Variants in CTCF observed in about 807,000 individuals in gnomAD.
CTCF encodes transcriptional repressor CTCF.
A neutral mutation model predicts 72.3 loss-of-function variants in CTCF; 7 were observed. The ratio of observed to expected loss-of-function variants is 0.10; its 90% CI spans 0.06 to 0.18. The LOEUF (loss-of-function observed/expected upper bound fraction) is 0.18, where lower values mean the gene tolerates loss of function less well. Among genes scored for constraint, CTCF ranks in the 10% least tolerant of loss-of-function variants. The probability of loss-of-function intolerance (pLI) is 1.00; values close to 1 mark genes in which losing one functional copy is unlikely to be tolerated. For synonymous variants in CTCF, 374 were observed against 315.8 expected (o/e 1.18, Z -1.95); for missense variants, 516 against 949.1 (o/e 0.54, Z 6.00).
chr16:67,591,244 A>T (rs2051740102), intron 2 of CTCF, among the ~76,000 whole-genome samples: 2 of 152,086 alleles, frequency 1.3e-5, no homozygotes, highest in African/African-American at 4.8e-5. Context: ...GTGAGCCAAG[A>T]TCTCACCACT....
chr16:67,574,698 G>T (rs2051471692), intron 2 of CTCF, among the ~76,000 whole-genome samples: 1 of 105,494 alleles, frequency 9.5e-6, no homozygotes, highest in African/African-American at 3.9e-5. Flanking sequence ...TTGCTCTGTT[G>T]CCCAGGCTGA....
chr16:67,592,137 C>G (rs1010541408), intron 2 of CTCF, among the ~76,000 whole-genome samples: 1 of 152,072 alleles, frequency 6.6e-6, no homozygotes, highest in Admixed American at 6.6e-5. Flanking sequence ...ATCGACTGGA[C>G]GCAGTGGCTC....
At chr16:67,574,268 T>G (rs138196841) in intron 2 of CTCF, among the ~76,000 whole-genome samples, 1,587 of 152,272 alleles carry the variant, frequency 0.01, 49 homozygotes, top group Non-Finnish European at 8.5e-3. Flanking sequence ...TTTCTTGGGT[T>G]CCATTAGTTT....
rs955377233 is a variant in CTCF, at chr16:67,597,997, G to C, written c.-9-12827G>C. On this transcript the variant is annotated intron_variant, in intron 2 of 11. Transcript: ENST00000264010. Reference sequence around the variant, plus strand: ...TTTTGTTTTTCTTAGTTTTTTTTTAGACCATGTCTCACTTTATTGCCCAGG... The same window carrying C: ...TTTTGTTTTTCTTAGTTTTTTTTTACACCATGTCTCACTTTATTGCCCAGG... Among the ~76,000 whole-genome samples, 4 of 151,826 alleles carry C rather than the reference G, an allele frequency of 2.6e-5. No individual in the cohort carries two copies. The East Asian group carries it at 7.8e-4, about 29-fold the overall frequency.
intron 2 of CTCF, among the ~76,000 whole-genome samples, chr16:67,581,120 G>A (rs2051575306): frequency 6.6e-6 from 1 of 151,156 alleles, no homozygotes; most frequent in Non-Finnish European, 1.5e-5. Flanking sequence ...AGTAGAGACG[G>A]GGTTTCACCG....
chr16:67,578,368 CTG>C (rs897750091), intron 2 of CTCF, among the ~76,000 whole-genome samples: 2 of 112,904 alleles, frequency 1.8e-5, no homozygotes, highest in Non-Finnish European at 3.4e-5. Context: ...GGTTTTCACT[CTG>C]TTGCCCAGGC....
At chr16:67,621,276 C>A in intron 6 of CTCF, 166 bp from the exon 7 acceptor site, 1 of 565,632 alleles carries the variant, frequency 1.8e-6, no homozygotes, top group South Asian at 2.4e-5. Flanking sequence ...TAGGACTTGG[C>A]CATATCTGAA....
chr16:67,588,483 A>C (rs1385419760), intron 2 of CTCF, among the ~76,000 whole-genome samples: 2 of 152,038 alleles, frequency 1.3e-5, no homozygotes, highest in Non-Finnish European at 2.9e-5. Flanking sequence ...AGGGGAACAG[A>C]AAGTGAAGCT....
intron 5 of CTCF, among the ~76,000 whole-genome samples, chr16:67,618,164 G>T (rs1464641359): frequency 6.6e-6 from 1 of 152,212 alleles, no homozygotes; most frequent in Non-Finnish European, 1.5e-5. Flanking sequence ...CAGTACTTTG[G>T]GAGGTTGAGG....
At chr16:67,588,996 A>G (rs1201184432) in intron 2 of CTCF, among the ~76,000 whole-genome samples, 1 of 152,050 alleles carries the variant, frequency 6.6e-6, no homozygotes, top group Non-Finnish European at 1.5e-5. Context: ...CAGCCTCAAA[A>G]TAATAAATTT....
At chr16:67,621,749 T>C (rs1008316508) in intron 7 of CTCF, among the ~76,000 whole-genome samples, 158 bp downstream of exon 7, 6 of 83,088 alleles carry the variant, frequency 7.2e-5, no homozygotes, top group East Asian at 2.2e-4. Context: ...GCTTAGCTGC[T>C]TTTTTTTTTT....
intron 2 of CTCF, among the ~76,000 whole-genome samples, chr16:67,576,406 T>C (rs915595698): frequency 3.3e-5 from 5 of 152,018 alleles, no homozygotes; most frequent in African/African-American, 4.8e-5. Flanking sequence ...CACTTTTTGT[T>C]GGTTTTGTAT....
chr16:67,569,913 T>TGA (rs2051391431), intron 1 of CTCF, among the ~76,000 whole-genome samples: 1 of 152,050 alleles, frequency 6.6e-6, no homozygotes, highest in Admixed American at 6.6e-5. Context: ...CTCAAACTCC[T>TGA]GACCTCAGGT....
At chr16:67,635,831 A>C (rs2052421497) in intron 10 of CTCF, among the ~76,000 whole-genome samples, 1 of 151,682 alleles carries the variant, frequency 6.6e-6, no homozygotes, top group Non-Finnish European at 1.5e-5. Context: ...TCACTATGTT[A>C]CCCAAGCTGG....
chr16:67,636,805 G>A lies in CTCF; in HGVS notation c.1953G>A (p.Arg651=), dbSNP rs2052437386. 1 of 1,600,060 alleles carries A rather than the reference G, an allele frequency of 6.2e-7. No individual in the cohort carries two copies. The highest frequency in any genetic ancestry group is 1.1e-5 in the South Asian group (1 of 88,176). Residue 651 remains arginine, a synonymous_variant, in exon 11 of 12, where the codon CGG becomes CGA. Transcript: ENST00000264010. ...CAGCCCCACCACCCGCCAAGAAGCGGAGAGGACGACCCCCTGGCAGAACCA... is the reference window on the plus strand; with the variant it reads ...CAGCCCCACCACCCGCCAAGAAGCGAAGAGGACGACCCCCTGGCAGAACCA... ...VTPAPPPAKK[R]RGRPPGRTNQ...
chr16:67,580,623 T>G (rs1211627379), intron 2 of CTCF, among the ~76,000 whole-genome samples: 1 of 151,844 alleles, frequency 6.6e-6, no homozygotes, highest in Non-Finnish European at 1.5e-5. Context: ...GTGCAGTGGC[T>G]CAATCTCAGC....
rs2052050496 is a variant in CTCF at position 67,610,716 on chromosome 16, C to A, written c.-9-108C>A. Reference sequence around the variant, plus strand: ...GTTGTGTCTTTTTTAATATTAACAACCATTGATGCCTAATTCATTCACCAA... The same window carrying A: ...GTTGTGTCTTTTTTAATATTAACAAACATTGATGCCTAATTCATTCACCAA... On this transcript the variant is annotated intron_variant, in intron 2 of 11. Coordinates refer to ENST00000264010, the MANE Select transcript of CTCF (RefSeq NM_006565.4). The A allele has an allele frequency of 2.4e-5, 18 of 749,022 alleles. No individual in the cohort carries two copies. In the East Asian group the frequency reaches 4.5e-4, roughly 19 times the overall value. 46.4% of individuals were successfully genotyped at this position (749,022 alleles called of 1,614,324 possible).
intron 9 of CTCF, 25 bp downstream of exon 9, chr16:67,628,577 C>T: frequency 6.2e-7 from 1 of 1,609,094 alleles, no homozygotes. Context: ...TTCACTTTGC[C>T]TGTTATGATA....
At position 67,573,144 on chromosome 16, in the gene CTCF, C is replaced by T. The variant is rs1043283209; in HGVS notation, c.-10+1880C>T. Among the ~76,000 whole-genome samples the T allele has an allele frequency of 3.3e-5, 5 of 151,132 alleles. No homozygotes were observed. In the South Asian group the frequency reaches 6.3e-4, roughly 19 times the overall value. ...GCGGGAACCTGTAATGCCAGTTTCT[C>T]GGGAGGCTGAGGCAGAAGAATTGTT... On this transcript the variant is annotated intron_variant, in intron 2 of 11. Coordinates refer to ENST00000264010, the MANE Select transcript of CTCF (RefSeq NM_006565.4).
Sources: allele counts gnomAD v4.1 joint callset (sites outside exome capture counted in the v4.1 genomes callset), GRCh38; gene constraint gnomAD v4.1.1; transcripts MANE v1.5; gene names NCBI Gene and HGNC (gene_info 2026-07-23, HGNC 2026-07-21).